KCNJ15: variants seen among roughly 807,000 people sequenced by gnomAD.
KCNJ15 encodes the protein potassium inwardly rectifying channel subfamily J member 15, also known as ATP-sensitive inward rectifier potassium channel 15.
In KCNJ15, 14 loss-of-function variants were observed where a neutral mutation model predicts 23.0. That is an observed-to-expected ratio of 0.61 (90% CI 0.40 to 0.95). The LOEUF is 0.95. KCNJ15 is among the 40% of genes least tolerant of loss of function. The pLI, the probability that KCNJ15 is intolerant of heterozygous loss-of-function variation, is 0.00. For missense variants in KCNJ15, 388 were observed against 461.8 expected (o/e 0.84, Z 1.46); for synonymous variants, 185 against 183.2 (o/e 1.01, Z -0.08).
chr21:38,302,383 G>C lies in KCNJ15; in HGVS notation c.*1994G>C, dbSNP rs566452584. Reference sequence around the variant, plus strand: ...CTGGCCTGGAACTGAACTAGTTTAAGGCAGGTGTAAGAATAGTGGGAGGAA... The same window carrying C: ...CTGGCCTGGAACTGAACTAGTTTAACGCAGGTGTAAGAATAGTGGGAGGAA... On this transcript the variant is annotated 3_prime_UTR_variant, in exon 3 of 3. Coordinates refer to ENST00000398938, the MANE Select transcript of KCNJ15 (RefSeq NM_170736.3). 1.3e-5 allele frequency: 2 copies of C among 152,210 alleles called. No homozygotes were observed. Among genetic ancestry groups the C allele is most frequent in the African/African-American group, 4.8e-5 (2 of 41,444 alleles). 9.4% of individuals were successfully genotyped at this position (152,210 alleles called of 1,614,324 possible). A position where few individuals can be genotyped will look rare whatever the true frequency, so the allele number is the denominator to read the frequency against.
At chr21:38,256,853 T>C (rs901307138), upstream of KCNJ15, 5 of 152,040 alleles carry the variant, frequency 3.3e-5, no homozygotes, top group African/African-American at 1.2e-4. Context: ...AGATTCCTTC[T>C]CTCTTTTTCT....
chr21:38,277,194 A>G (rs890140316), intron 1 of KCNJ15, among the ~76,000 whole-genome samples: 3 of 152,296 alleles, frequency 2.0e-5, no homozygotes, highest in South Asian at 2.1e-4. Context: ...TTTTGTAAAC[A>G]TATCCTGGAG....
Position 38,295,272 on chromosome 21 carries a change from C to T in KCNJ15, c.-116-1654C>T, listed in dbSNP as rs967234041. 4.6e-5 allele frequency among the ~76,000 whole-genome samples: 7 copies of T among 152,236 alleles called. No homozygotes were observed. In the South Asian group the frequency reaches 1.0e-3, roughly 23 times the overall value. ...TTTACAAAATATAGTAATTCTTGAT[C>T]GCTGAAAATGTCAAATCCTGGAAAA... On this transcript the variant is annotated intron_variant, in intron 1 of 2. Transcript: ENST00000398938.
intron 1 of KCNJ15, among the ~76,000 whole-genome samples, chr21:38,237,729 C>G (rs1411005273): frequency 6.6e-6 from 1 of 152,152 alleles, no homozygotes; most frequent in Non-Finnish European, 1.5e-5. Context: ...ACCTGGCTCA[C>G]TTTTGTTACA....
intron 1 of KCNJ15, among the ~76,000 whole-genome samples, chr21:38,287,492 T>C (rs1271101270): frequency 6.6e-6 from 1 of 152,242 alleles, no homozygotes; most frequent in East Asian, 1.9e-4. Flanking sequence ...TAGATACATA[T>C]ATGTAAATAG....
At chr21:38,278,650 A>G (rs1039750283) in intron 1 of KCNJ15, among the ~76,000 whole-genome samples, 1 of 152,226 alleles carries the variant, frequency 6.6e-6, no homozygotes, top group African/African-American at 2.4e-5. Context: ...GCACCTACCT[A>G]GAAAGGGTAA....
At chr21:38,284,710 AG>A (rs1983705363) in intron 1 of KCNJ15, among the ~76,000 whole-genome samples, 1 of 152,180 alleles carries the variant, frequency 6.6e-6, no homozygotes. Flanking sequence ...GAGCCCACAA[AG>A]CCACATGCAG....
intron 1 of KCNJ15, among the ~76,000 whole-genome samples, chr21:38,291,025 C>CACACACACACAT (rs1555885288): frequency 0.043 from 6,493 of 150,994 alleles, 190 homozygotes; most frequent in South Asian, 0.076. Context: ...CACACACACA[C>CACACACACACAT]GTATATATAG....
At chr21:38,285,982 G>A (rs1983846478) in intron 1 of KCNJ15, among the ~76,000 whole-genome samples, 1 of 152,132 alleles carries the variant, frequency 6.6e-6, no homozygotes, top group Non-Finnish European at 1.5e-5. Flanking sequence ...GGTGGTTCAT[G>A]CCTGTAATCC....
intron 1 of KCNJ15, among the ~76,000 whole-genome samples, chr21:38,292,719 G>A (rs752412999): frequency 4.6e-4 from 70 of 151,904 alleles, no homozygotes; most frequent in Non-Finnish European, 7.6e-4. Context: ...CTGTAATCCC[G>A]GCACTTTGGG....
chr21:38,263,695 C>A (rs980734399), intron 1 of KCNJ15, among the ~76,000 whole-genome samples: 3 of 152,096 alleles, frequency 2.0e-5, no homozygotes, highest in African/African-American at 7.2e-5. Flanking sequence ...AGGCATCGTG[C>A]GATCCAAAGA....
chr21:38,238,069 G>A (rs1258226312), intron 1 of KCNJ15: 2 of 315,656 alleles, frequency 6.3e-6, no homozygotes, highest in South Asian at 5.9e-5. Flanking sequence ...TTATTCTAGG[G>A]TGAGTGGGTG....
chr21:38,247,190 A>G (rs747517510), intron 1 of KCNJ15, among the ~76,000 whole-genome samples: 69 of 151,848 alleles, frequency 4.5e-4, no homozygotes, highest in Non-Finnish European at 7.5e-4. Flanking sequence ...GGACAGATGG[A>G]TGGATGGATG....
chr21:38,264,824 G>A (rs1981295301), intron 1 of KCNJ15, among the ~76,000 whole-genome samples: 1 of 152,198 alleles, frequency 6.6e-6, no homozygotes, highest in South Asian at 2.1e-4. Flanking sequence ...AGGGAACCAT[G>A]TGCTTAAGAT....
intron 2 of KCNJ15, among the ~76,000 whole-genome samples, chr21:38,298,507 T>C (rs1985405024): frequency 6.6e-6 from 1 of 152,240 alleles, no homozygotes; most frequent in African/African-American, 2.4e-5. Flanking sequence ...GCTTTAAGAA[T>C]GTTTTTGGTT....
At chr21:38,243,464 C>CT (rs1265562880) in intron 1 of KCNJ15, among the ~76,000 whole-genome samples, 22 of 152,302 alleles carry the variant, frequency 1.4e-4, no homozygotes, top group Non-Finnish European at 1.0e-4. Context: ...GAGTATCACC[C>CT]AGGCTGGAAT....
intron 2 of KCNJ15, among the ~76,000 whole-genome samples, chr21:38,298,700 A>T (rs1174011828): frequency 1.3e-5 from 2 of 152,202 alleles, no homozygotes; most frequent in Non-Finnish European, 2.9e-5. Flanking sequence ...CCATATCAAG[A>T]ACTGTTTCAT....
chr21:38,255,300 C>G (rs180823750), upstream of KCNJ15, among the ~76,000 whole-genome samples: 2 of 152,232 alleles, frequency 1.3e-5, no homozygotes, highest in Non-Finnish European at 2.9e-5. Context: ...CCCACCTGAG[C>G]AGCTGGTATA....
At chr21:38,291,493 C>T (rs1984610015) in intron 1 of KCNJ15, 1 of 152,246 alleles carries the variant, frequency 6.6e-6, no homozygotes, top group Non-Finnish European at 1.5e-5. Context: ...CTGGCCACTG[C>T]AGTACTTATA....
Sources: allele counts gnomAD v4.1 joint callset (sites outside exome capture counted in the v4.1 genomes callset), GRCh38; gene constraint gnomAD v4.1.1; transcripts MANE v1.5; gene names NCBI Gene and HGNC (gene_info 2026-07-23, HGNC 2026-07-21).